NXPH1: variants seen among roughly 807,000 people sequenced by gnomAD.
The protein encoded by NXPH1 is neurexophilin 1.
In NXPH1, 5 loss-of-function variants were observed where a neutral mutation model predicts 23.7. The observed-to-expected ratio is 0.21, with a 90% confidence interval of 0.11 to 0.44. The LOEUF (loss-of-function observed/expected upper bound fraction) is 0.44. Ranked by LOEUF, NXPH1 falls within the 20% of genes least tolerant of loss-of-function variation. The pLI is 0.99. For missense variants in NXPH1, 324 were observed against 321.6 expected (o/e 1.01, Z -0.06); for synonymous variants, 144 against 122.2 (o/e 1.18, Z -1.18).
chr7:8,451,055 G>T (rs1235404193), intron 2 of NXPH1, among the ~76,000 whole-genome samples: 1 of 150,754 alleles, frequency 6.6e-6, no homozygotes, highest in Non-Finnish European at 1.5e-5. Flanking sequence ...AATTGGTCTG[G>T]ATGAACATCT....
chr7:8,438,551 C>T (rs555610355), intron 2 of NXPH1, among the ~76,000 whole-genome samples: 1 of 152,210 alleles, frequency 6.6e-6, no homozygotes, highest in Non-Finnish European at 1.5e-5. Flanking sequence ...TGCACCTTGA[C>T]CTTTAAGCCC....
At chr7:8,459,760 A>G (rs1417904923) in intron 2 of NXPH1, among the ~76,000 whole-genome samples, 1 of 152,200 alleles carries the variant, frequency 6.6e-6, no homozygotes, top group East Asian at 1.9e-4. Context: ...TGTGCAGTAG[A>G]TATAAAATCC....
chr7:8,496,293 C>T (rs187516355), intron 2 of NXPH1, among the ~76,000 whole-genome samples: 1 of 152,132 alleles, frequency 6.6e-6, no homozygotes, highest in East Asian at 1.9e-4. Context: ...ACAAGGTAGA[C>T]AAATCCAGAA....
intron 2 of NXPH1, among the ~76,000 whole-genome samples, chr7:8,486,013 T>C (rs973269581): frequency 2.0e-5 from 3 of 152,202 alleles, no homozygotes; most frequent in Non-Finnish European, 2.9e-5. Flanking sequence ...CTTATGAAGA[T>C]AAAATGCCTA....
At chr7:8,643,223 A>G (rs1385617713) in intron 2 of NXPH1, among the ~76,000 whole-genome samples, 1 of 152,180 alleles carries the variant, frequency 6.6e-6, no homozygotes, top group East Asian at 1.9e-4. Context: ...TATAATTAGT[A>G]TGATAAATAG....
intron 2 of NXPH1, among the ~76,000 whole-genome samples, chr7:8,696,865 C>G (rs1183767198): frequency 7.8e-6 from 1 of 127,452 alleles, no homozygotes; most frequent in Non-Finnish European, 1.7e-5. Context: ...AAAGTGAGGC[C>G]GGGCACAGTA....
At chr7:8,670,629 G>A (rs1820853947) in intron 2 of NXPH1, among the ~76,000 whole-genome samples, 2 of 152,056 alleles carry the variant, frequency 1.3e-5, no homozygotes, top group Non-Finnish European at 2.9e-5. Flanking sequence ...ACTTCTATTA[G>A]CATCACCTTT....
chr7:8,668,525 A>C (rs1471251149), intron 2 of NXPH1, among the ~76,000 whole-genome samples: 1 of 151,892 alleles, frequency 6.6e-6, no homozygotes, highest in Admixed American at 6.6e-5. Context: ...TGAATCCTGG[A>C]TCCACTTGGG....
chr7:8,637,624 T>C (rs1820240476), intron 2 of NXPH1, among the ~76,000 whole-genome samples: 1 of 152,196 alleles, frequency 6.6e-6, no homozygotes, highest in South Asian at 2.1e-4. Context: ...ACAGCTCCTT[T>C]TTATTTTTAG....
intron 2 of NXPH1, among the ~76,000 whole-genome samples, chr7:8,452,563 C>T (rs2107779): frequency 0.6 from 91,547 of 151,938 alleles, 30,209 homozygotes; most frequent in African/African-American, 0.87. Flanking sequence ...ATGTATGATG[C>T]TGATTTAATA....
intron 2 of NXPH1, among the ~76,000 whole-genome samples, chr7:8,662,251 A>T (rs1437786768): frequency 2.0e-5 from 3 of 151,886 alleles, no homozygotes; most frequent in African/African-American, 7.2e-5. Context: ...GTATAGCTTG[A>T]TATTTGTTTC....
chr7:8,750,981 A>G, intron 2 of NXPH1, 27 bp from the exon 3 acceptor site: 3 of 1,608,822 alleles, frequency 1.9e-6, no homozygotes, highest in Non-Finnish European at 2.6e-6. Flanking sequence ...CAGAGATGTA[A>G]ATGCCATTTT....
chr7:8,501,116 TG>T (rs548442164), intron 2 of NXPH1, among the ~76,000 whole-genome samples: 40 of 152,226 alleles, frequency 2.6e-4, no homozygotes, highest in African/African-American at 8.9e-4. Flanking sequence ...TTTAGAACTT[TG>T]AAAAATCTAT....
At chr7:8,688,669 G>C (rs1418389485) in intron 2 of NXPH1, among the ~76,000 whole-genome samples, 1 of 152,080 alleles carries the variant, frequency 6.6e-6, no homozygotes, top group Non-Finnish European at 1.5e-5. Context: ...CACTTATAAG[G>C]CTTTGGCACT....
intron 2 of NXPH1, among the ~76,000 whole-genome samples, chr7:8,683,077 A>C (rs1349984457): frequency 6.6e-6 from 1 of 152,234 alleles, no homozygotes; most frequent in Non-Finnish European, 1.5e-5. Context: ...ACTGTGCAGG[A>C]AACATGACAC....
chr7:8,454,108 G>T (rs1816551218), intron 2 of NXPH1, among the ~76,000 whole-genome samples: 1 of 151,874 alleles, frequency 6.6e-6, no homozygotes, highest in Non-Finnish European at 1.5e-5. Context: ...GTGGGGAGGA[G>T]AGAGAGGATC....
intron 2 of NXPH1, among the ~76,000 whole-genome samples, chr7:8,554,430 G>A (rs145501373): frequency 1.8e-3 from 269 of 151,740 alleles, no homozygotes; most frequent in African/African-American, 6.1e-3. Flanking sequence ...AACTGAGAAT[G>A]TTGTGCTTAT....
chr7:8,481,195 T>C (rs1205878707), intron 2 of NXPH1, among the ~76,000 whole-genome samples: 1 of 152,194 alleles, frequency 6.6e-6, no homozygotes, highest in Non-Finnish European at 1.5e-5. Context: ...ACTGGTCAAC[T>C]CCTTTTTCTC....
intron 2 of NXPH1, among the ~76,000 whole-genome samples, chr7:8,615,475 C>A (rs1239976811): frequency 6.6e-6 from 1 of 151,898 alleles, no homozygotes; most frequent in Non-Finnish European, 1.5e-5. Flanking sequence ...TTACTGCTAT[C>A]TCTTGGTGAT....
Sources: gnomAD v4.1 joint callset for allele counts (sites outside exome capture counted in the v4.1 genomes callset) on GRCh38, gnomAD v4.1.1 for gene constraint, MANE v1.5 for transcripts, NCBI Gene and HGNC (gene_info 2026-07-23, HGNC 2026-07-21) for gene names.